Variants in OFD1 observed in about 807,000 individuals in gnomAD.
OFD1 encodes the protein centriole and centriolar satellite protein OFD1.
Under a neutral mutation model 81.4 loss-of-function variants are expected in OFD1, and 12 were observed. That is an observed-to-expected ratio of 0.15 (90% CI 0.09 to 0.24). The LOEUF is 0.24. Among genes scored for constraint, OFD1 ranks in the 10% least tolerant of loss-of-function variants. The probability of loss-of-function intolerance (pLI) is 1.00; values close to 1 mark genes in which losing one functional copy is unlikely to be tolerated. For synonymous variants in OFD1, 256 were observed against 263.7 expected (o/e 0.97, Z 0.28); for missense variants, 685 against 733.9 (o/e 0.93, Z 0.77).
chrX:13,727,417 A>G, the OFD1 span, among the ~76,000 whole-genome samples: 5 of 112,727 alleles, frequency 4.4e-5, no homozygotes, highest in Non-Finnish European at 7.5e-5. Flanking sequence ...CCACAGTGCA[A>G]TCAAATTAGA....
the OFD1 span, among the ~76,000 whole-genome samples, chrX:13,722,783 G>A: frequency 8.9e-6 from 1 of 111,881 alleles, no homozygotes. Context: ...GCTAGTGTAG[G>A]CCAGGCGCGG....
chrX:13,746,469 T>C lies in OFD1; in HGVS notation c.654+14T>C, dbSNP rs770192298. 5 of 1,207,016 alleles carry C rather than the reference T, an allele frequency of 4.1e-6. No individual in the cohort carries two copies. On this transcript the variant is annotated intron_variant, in intron 7 of 22. Coordinates refer to ENST00000340096, the MANE Select transcript of OFD1 (RefSeq NM_003611.3). ...ATGTGTCAAAAGGTAAGCTTTATCT[T>C]GTTACTGTAAACAAGAGTGATGTTT...
rs1184006962 is a variant in OFD1 at position 13,760,696 on chromosome X, C to T, written c.2236C>T (p.Leu746Phe). The part of the protein sequence containing the change: ...STPLPKAKRS[L>F]ESEMYLEGLG... ...ACCCCTTCCAAAAGCAAAAAGAAGC[C>T]TCGAAAGTGAAATGTATCTGGAAGG... The change falls in exon 16 of 23, where the codon CTC becomes TTC. Residue 746 changes from leucine (L) to phenylalanine (F), a missense_variant. By Grantham distance (22) the Leu-to-Phe change is conservative (BLOSUM62 0). Coordinates refer to ENST00000340096, the MANE Select transcript of OFD1 (RefSeq NM_003611.3). 23 of 1,209,601 alleles carry T rather than the reference C, an allele frequency of 1.9e-5. No homozygotes were observed. Among genetic ancestry groups the T allele is most frequent in the Non-Finnish European group, 1.1e-6 (1 of 895,075 alleles).
At chrX:13,753,572 T>G (rs910096619) in intron 11 of OFD1, 131 bp downstream of exon 11, 1 of 590,255 alleles carries the variant, frequency 1.7e-6, no homozygotes, top group Non-Finnish European at 2.6e-6. Context: ...TTACACATTT[T>G]TTGTAATTTT....
chrX:13,726,554 A>C, the OFD1 span, among the ~76,000 whole-genome samples: 1 of 111,635 alleles, frequency 9.0e-6, no homozygotes, highest in Non-Finnish European at 1.9e-5. Flanking sequence ...GAAGGAAATG[A>C]TGAGAGATTT....
At chrX:13,740,712 G>A (rs933869591) in intron 5 of OFD1, among the ~76,000 whole-genome samples, 41 of 108,283 alleles carry the variant, frequency 3.8e-4, no homozygotes, top group African/African-American at 1.4e-3. Flanking sequence ...AGAATCGCTT[G>A]AACCAGAGAG....
the OFD1 span, chrX:13,715,833 C>A: frequency 3.1e-6 from 3 of 972,945 alleles, no homozygotes; most frequent in South Asian, 6.1e-5. Flanking sequence ...TACATATTCA[C>A]CTGGCTGTGA....
chrX:13,736,731 T>G, intron 3 of OFD1, 53 bp downstream of exon 3: 4 of 980,707 alleles, frequency 4.1e-6, no homozygotes, highest in Non-Finnish European at 5.8e-6. Context: ...GTTCTTCCTC[T>G]GCTGACAGTA....
Position 13,754,976 on chromosome X carries a change from C to T in OFD1, c.1130-175C>T, listed in dbSNP as rs16999063. ...AATTTCACCACATATATGACAGTTA[C>T]AGCTTCACATCACCTGTTGGGTAAC... On this transcript the variant is annotated intron_variant, in intron 11 of 22. Coordinates refer to ENST00000340096, the MANE Select transcript of OFD1 (RefSeq NM_003611.3). 0.015 allele frequency among the ~76,000 whole-genome samples: 1,663 copies of T among 112,652 alleles called. 32 individuals are homozygous for T. Among genetic ancestry groups the T allele is most frequent in the African/African-American group, 0.05 (1,552 of 30,968 alleles).
At chrX:13,716,538 C>T in the OFD1 span, 31 of 1,209,936 alleles carry the variant, frequency 2.6e-5, no homozygotes, top group Admixed American at 4.6e-4. Flanking sequence ...GGATATGCCC[C>T]GCAGTGACAA....
intron 5 of OFD1, among the ~76,000 whole-genome samples, chrX:13,739,508 G>T (rs916475202): frequency 3.6e-5 from 4 of 111,823 alleles, no homozygotes; most frequent in African/African-American, 1.3e-4. Flanking sequence ...CACTTTGGGA[G>T]GCTGAGGCGG....
intron 3 of OFD1, among the ~76,000 whole-genome samples, chrX:13,737,894 G>C (rs2046933706): frequency 9.0e-6 from 1 of 111,555 alleles, no homozygotes; most frequent in Non-Finnish European, 1.9e-5. Context: ...CTGTTACCCA[G>C]TCTGGAGTGC....
upstream of OFD1, among the ~76,000 whole-genome samples, chrX:13,731,531 G>T (rs1326859949): frequency 1.8e-5 from 2 of 112,227 alleles, no homozygotes; most frequent in East Asian, 5.6e-4. Context: ...ATCTACCTAA[G>T]AACAAACTGG....
intron 10 of OFD1, 48 bp downstream of exon 10, chrX:13,751,416 G>A (rs2047495076): frequency 1.9e-6 from 2 of 1,052,423 alleles, no homozygotes; most frequent in African/African-American, 3.8e-5. Context: ...AATTAAATTG[G>A]TAGAAACATA....
chrX:13,755,946 CTTTTTTTTTTT>C (rs34300430), intron 12 of OFD1, among the ~76,000 whole-genome samples: 1 of 65,098 alleles, frequency 1.5e-5, no homozygotes, highest in Non-Finnish European at 2.6e-5. Flanking sequence ...CTTTCTTTCC[CTTTTTTTTTTT>C]TTTTTTTTTT....
At chrX:13,744,344 A>G in intron 5 of OFD1, 71 bp from the exon 6 acceptor site, 2 of 595,184 alleles carry the variant, frequency 3.4e-6, no homozygotes, top group Non-Finnish European at 5.8e-6. Context: ...TCCTAAAACT[A>G]AGATTGTAAA....
intron 6 of OFD1, 141 bp from the exon 7 acceptor site, chrX:13,746,177 CT>C: frequency 3.9e-6 from 2 of 518,147 alleles, no homozygotes; most frequent in Non-Finnish European, 6.7e-6. Flanking sequence ...ATCCACCTTC[CT>C]TTTTTTGTAT....
At chrX:13,747,395 A>G (rs1252778973) in intron 8 of OFD1, among the ~76,000 whole-genome samples, 1 of 111,740 alleles carries the variant, frequency 8.9e-6, no homozygotes, top group Non-Finnish European at 1.9e-5. Context: ...AGGTGCTTGT[A>G]AGTGAGTTTT....
downstream of OFD1, chrX:13,771,059 C>T (rs1198252689): frequency 8.9e-6 from 1 of 112,268 alleles, no homozygotes; most frequent in Non-Finnish European, 1.9e-5. Context: ...TTTATTGTAA[C>T]ACTTGAATAG....
Sources: allele counts gnomAD v4.1 joint callset (sites outside exome capture counted in the v4.1 genomes callset), GRCh38; gene constraint gnomAD v4.1.1; transcripts MANE v1.5; gene names NCBI Gene and HGNC (gene_info 2026-07-23, HGNC 2026-07-21).